Variants in TRPC4 observed in about 807,000 individuals in gnomAD.
TRPC4 encodes short transient receptor potential channel 4.
A neutral mutation model predicts 99.4 loss-of-function variants in TRPC4; 49 were observed. That is an observed-to-expected ratio of 0.49 (90% CI 0.39 to 0.63). The LOEUF (loss-of-function observed/expected upper bound fraction) is 0.63. Ranked by LOEUF, TRPC4 falls within the 20% of genes least tolerant of loss-of-function variation. The pLI is 0.00. For missense variants in TRPC4, 898 were observed against 1,152.9 expected (o/e 0.78, Z 3.20); for synonymous variants, 454 against 425.9 (o/e 1.07, Z -0.81).
intron 5 of TRPC4, among the ~76,000 whole-genome samples, chr13:37,669,961 T>C (rs1246430732): frequency 6.6e-6 from 1 of 152,010 alleles, no homozygotes; most frequent in Non-Finnish European, 1.5e-5. Context: ...TTTTGGGAGG[T>C]AATTAGGTTT....
At chr13:37,811,018 T>C (rs1337391857) in intron 1 of TRPC4, among the ~76,000 whole-genome samples, 1 of 152,104 alleles carries the variant, frequency 6.6e-6, no homozygotes, top group Admixed American at 6.6e-5. Context: ...GATTTAATAT[T>C]CCCAGATCTT....
At chr13:37,738,321 G>A (rs1593624425) in intron 3 of TRPC4, among the ~76,000 whole-genome samples, 1 of 152,252 alleles carries the variant, frequency 6.6e-6, no homozygotes, top group East Asian at 1.9e-4. Context: ...ACTTATTGAA[G>A]CCAAATTTCT....
intron 3 of TRPC4, among the ~76,000 whole-genome samples, chr13:37,697,274 C>T (rs1456749138): frequency 1.3e-5 from 2 of 151,966 alleles, no homozygotes; most frequent in African/African-American, 2.4e-5. Flanking sequence ...TACATTGGGA[C>T]TAATTATGTA....
At chr13:37,723,580 T>A (rs539663472) in intron 3 of TRPC4, among the ~76,000 whole-genome samples, 123 of 152,206 alleles carry the variant, frequency 8.1e-4, no homozygotes, top group Non-Finnish European at 1.5e-3. Context: ...TTTGACAGAG[T>A]CACTCTGTTG....
At chr13:37,688,105 C>A (rs2138855619) in intron 4 of TRPC4, among the ~76,000 whole-genome samples, 1 of 152,270 alleles carries the variant, frequency 6.6e-6, no homozygotes, top group African/African-American at 2.4e-5. Context: ...GCAAGAAGAT[C>A]TCTTGAGGCT....
chr13:37,777,174 C>A (rs1956728688), intron 2 of TRPC4, among the ~76,000 whole-genome samples: 1 of 151,802 alleles, frequency 6.6e-6, no homozygotes. Context: ...TTTCTGTTTC[C>A]AATTGTATTA....
rs1951468153 is a variant in TRPC4, at chr13:37,634,692, A to G, written c.*2211T>C. On this transcript the variant is annotated 3_prime_UTR_variant, in exon 11 of 11. Transcript: ENST00000379705. ...TATAGTGTCCTTACTTTGGGAAAAA[A>G]CAAAATAAAACAACAACGCACAAGA... is the stretch of plus-strand genomic sequence containing the variant. 6.6e-6 allele frequency among the ~76,000 whole-genome samples: 1 copy of G among 152,132 alleles called. No homozygotes were observed. The highest frequency in any genetic ancestry group is 6.6e-5 in the Admixed American group (1 of 15,236).
intron 1 of TRPC4, among the ~76,000 whole-genome samples, chr13:37,851,387 A>T (rs1959052016): frequency 1.3e-5 from 2 of 152,194 alleles, no homozygotes; most frequent in South Asian, 4.1e-4. Context: ...ACCAGCACAT[A>T]ACCCTGTTAT....
intron 1 of TRPC4, among the ~76,000 whole-genome samples, chr13:37,819,218 A>T (rs1436752196): frequency 6.6e-6 from 1 of 152,092 alleles, no homozygotes; most frequent in African/African-American, 2.4e-5. Flanking sequence ...AAATGCTTAT[A>T]TACTGTTGGT....
At chr13:37,801,218 T>C (rs1566181065) in intron 1 of TRPC4, among the ~76,000 whole-genome samples, 1 of 152,322 alleles carries the variant, frequency 6.6e-6, no homozygotes, top group South Asian at 2.1e-4. Flanking sequence ...ATAAGGAAGA[T>C]AATTTCATTA....
At chr13:37,650,769 T>A (rs1036966272) in intron 8 of TRPC4, among the ~76,000 whole-genome samples, 3 of 152,160 alleles carry the variant, frequency 2.0e-5, no homozygotes, top group Non-Finnish European at 2.9e-5. Context: ...TAATATTCAG[T>A]CAATCATTTA....
chr13:37,656,817 G>A (rs900394649), intron 6 of TRPC4, among the ~76,000 whole-genome samples: 7 of 152,184 alleles, frequency 4.6e-5, no homozygotes, highest in Admixed American at 3.3e-4. Flanking sequence ...GGATGAAGTA[G>A]CTGACTCATT....
At chr13:37,797,327 C>T (rs1957283613) in intron 1 of TRPC4, among the ~76,000 whole-genome samples, 1 of 152,060 alleles carries the variant, frequency 6.6e-6, no homozygotes, top group Non-Finnish European at 1.5e-5. Context: ...GAAATGGTAG[C>T]ACAATTTATT....
chr13:37,711,057 A>G (rs1349154862), intron 3 of TRPC4, among the ~76,000 whole-genome samples: 1 of 152,004 alleles, frequency 6.6e-6, no homozygotes, highest in Non-Finnish European at 1.5e-5. Context: ...GAATATATTA[A>G]TTCTTAAGTC....
At position 37,746,422 on chromosome 13, in the gene TRPC4, C is replaced by A; in HGVS notation, c.412G>T (p.Glu138Ter). The change falls in exon 3 of 11, where the codon GAA becomes TAA. Residue 138 changes from glutamate to a stop codon, truncating the protein, a stop_gained. Transcript: ENST00000379705. LOFTEE classifies it high-confidence loss of function. ...PPILLDKQFS[E>*]FTPDITPIIL... ...ATTGGTGTAATGTCTGGAGTGAATT[C>A]AGAGAACTGCTTATCAAGGAGTATA... The A allele has an allele frequency of 6.2e-7, 1 of 1,610,262 alleles. No individual in the cohort carries two copies. Among genetic ancestry groups the A allele is most frequent in the South Asian group, 1.1e-5 (1 of 90,916 alleles).
chr13:37,794,950 G>C (rs1360545036), intron 1 of TRPC4, among the ~76,000 whole-genome samples: 1 of 152,062 alleles, frequency 6.6e-6, no homozygotes, highest in Non-Finnish European at 1.5e-5. Context: ...AAAAAAAGAA[G>C]TTTTTGAACA....
chr13:37,689,068 G>A (rs775898294), intron 4 of TRPC4, among the ~76,000 whole-genome samples: 3 of 152,162 alleles, frequency 2.0e-5, no homozygotes, highest in Admixed American at 6.5e-5. Flanking sequence ...CTACTCTGAT[G>A]TCTTTAGCCT....
intron 1 of TRPC4, among the ~76,000 whole-genome samples, chr13:37,843,705 C>T (rs3086256): frequency 5.3e-5 from 8 of 151,762 alleles, no homozygotes; most frequent in East Asian, 1.9e-4. Context: ...CACACACACA[C>T]GCACACATAC....
At chr13:37,767,630 C>A (rs1004598494) in intron 2 of TRPC4, among the ~76,000 whole-genome samples, 31 of 151,370 alleles carry the variant, frequency 2.0e-4, no homozygotes, top group Non-Finnish European at 2.4e-4. Flanking sequence ...TGTTAATAAT[C>A]TTGGTTTCAT....
Sources: gnomAD v4.1 joint callset for allele counts (sites outside exome capture counted in the v4.1 genomes callset) on GRCh38, gnomAD v4.1.1 for gene constraint, MANE v1.5 for transcripts, NCBI Gene and HGNC (gene_info 2026-07-23, HGNC 2026-07-21) for gene names.